Variants in CDH4 observed in about 807,000 individuals in gnomAD.
The protein encoded by CDH4 is cadherin 4, also known as cadherin-4.
CDH4 carries 33 observed loss-of-function variants against 86.0 expected under a neutral mutation model. The observed-to-expected ratio is 0.38, with a 90% confidence interval of 0.29 to 0.51. The LOEUF is 0.51. Ranked by LOEUF, CDH4 falls within the 20% of genes least tolerant of loss-of-function variation. The pLI is 0.86. For synonymous variants in CDH4, 555 were observed against 549.4 expected (o/e 1.01, Z -0.14); for missense variants, 1,114 against 1,307.4 (o/e 0.85, Z 2.28).
At chr20:61,933,659 C>T (rs1355993950) in intron 14 of CDH4, among the ~76,000 whole-genome samples, 1 of 147,630 alleles carries the variant, frequency 6.8e-6, no homozygotes, top group Non-Finnish European at 1.5e-5. Context: ...CTTGCGGAGG[C>T]CCAGCTCCTG....
chr20:61,892,216 C>T (rs4925207), intron 7 of CDH4, among the ~76,000 whole-genome samples: 121,934 of 152,028 alleles, frequency 0.8, 50,660 homozygotes, highest in Non-Finnish European at 0.92. Context: ...TGGTGACTCA[C>T]AGCTGTCCAC....
intron 4 of CDH4, among the ~76,000 whole-genome samples, chr20:61,801,003 G>A (rs970342560): frequency 6.6e-6 from 1 of 152,138 alleles, no homozygotes; most frequent in African/African-American, 2.4e-5. Flanking sequence ...GGGCAGCTAC[G>A]AGGGGCACTG....
intron 2 of CDH4, among the ~76,000 whole-genome samples, chr20:61,677,699 G>A (rs1381530846): frequency 9.9e-5 from 15 of 152,174 alleles, no homozygotes; most frequent in African/African-American, 2.6e-4. Context: ...ACGGACAGAC[G>A]GACGGATGGA....
At chr20:61,529,931 A>G (rs993257385) in intron 2 of CDH4, among the ~76,000 whole-genome samples, 1 of 152,158 alleles carries the variant, frequency 6.6e-6, no homozygotes, top group Non-Finnish European at 1.5e-5. Flanking sequence ...TCTGCCTCGC[A>G]GATTCAAGCT....
intron 2 of CDH4, among the ~76,000 whole-genome samples, chr20:61,636,938 C>T (rs1214822275): frequency 2.0e-5 from 3 of 152,196 alleles, no homozygotes; most frequent in Non-Finnish European, 4.4e-5. Context: ...TGATGGTCCC[C>T]TGCAAAGACT....
chr20:61,484,609 C>T (rs73150249), intron 2 of CDH4, among the ~76,000 whole-genome samples: 14,956 of 152,286 alleles, frequency 0.098, 978 homozygotes, highest in Non-Finnish European at 0.14. Context: ...TCAGGAAGAA[C>T]GTGGACCACG....
intron 2 of CDH4, among the ~76,000 whole-genome samples, chr20:61,270,946 T>A (rs542685837): frequency 6.6e-6 from 1 of 152,184 alleles, no homozygotes; most frequent in Non-Finnish European, 1.5e-5. Flanking sequence ...CTGAGGCACA[T>A]CTTTATTGCG....
intron 2 of CDH4, among the ~76,000 whole-genome samples, chr20:61,354,218 C>T (rs1490000466): frequency 6.6e-6 from 1 of 152,080 alleles, no homozygotes; most frequent in Admixed American, 6.5e-5. Flanking sequence ...CGAGGTCGGG[C>T]CTGGCTGCTC....
rs561280387 is a variant in CDH4, at chr20:61,807,644, G to A, written c.576+34462G>A. Among the ~76,000 whole-genome samples the A allele has an allele frequency of 6.6e-6, 1 of 152,302 alleles. No homozygotes were observed. The highest frequency in any genetic ancestry group is 2.4e-5 in the African/African-American group (1 of 41,556). ...ACAGAGTGGTGGCCAAATAGCATTC[G>A]GGGAGGTAAACAGAAGATTGTGAGA... is the stretch of plus-strand genomic sequence containing the variant. On this transcript the variant is annotated intron_variant, in intron 4 of 15. Transcript: ENST00000614565. This position sits in a 1 kb window ranked among gnomAD's most constrained non-coding sequence, Gnocchi z 4.5.
intron 2 of CDH4, among the ~76,000 whole-genome samples, chr20:61,404,547 T>C (rs2085069314): frequency 6.6e-6 from 1 of 152,050 alleles, no homozygotes; most frequent in South Asian, 2.1e-4. Flanking sequence ...GGAGGCCTGA[T>C]TATTCCCGAC....
In CDH4 at chr20:61,936,762, C is replaced by A. The variant is rs779676023; in HGVS notation, c.2570C>A (p.Pro857His). The A allele has an allele frequency of 6.2e-7, 1 of 1,606,994 alleles. No individual in the cohort carries two copies. Among genetic ancestry groups the A allele is most frequent in the South Asian group, 1.1e-5 (1 of 90,108 alleles). ...NEGLRAADND[P>H]TAPPYDSLLV... Reference sequence around the variant, plus strand: ...GGACTCCGCGCTGCTGACAACGACCCCACGGCACCCCCCTATGACTCCCTG... The same window carrying A: ...GGACTCCGCGCTGCTGACAACGACCACACGGCACCCCCCTATGACTCCCTG... The change falls in exon 16 of 16, where the codon CCC becomes CAC. Residue 857 changes from proline to histidine, a missense_variant. Transcript: ENST00000614565.
At chr20:61,482,389 A>C (rs2085572914) in intron 2 of CDH4, among the ~76,000 whole-genome samples, 1 of 152,216 alleles carries the variant, frequency 6.6e-6, no homozygotes, top group African/African-American at 2.4e-5. Flanking sequence ...GCCAGCAATC[A>C]GAGTGGCTTC....
chr20:61,806,465 G>A (rs984712317), intron 4 of CDH4, among the ~76,000 whole-genome samples: 4 of 152,238 alleles, frequency 2.6e-5, no homozygotes, highest in African/African-American at 7.2e-5. Context: ...AGGGTGAGGA[G>A]GTGCCCTGTT....
intron 2 of CDH4, among the ~76,000 whole-genome samples, chr20:61,670,728 A>G (rs1179999438): frequency 6.6e-6 from 1 of 152,184 alleles, no homozygotes; most frequent in African/African-American, 2.4e-5. Context: ...GGCCATTCTT[A>G]TGGGTGGGGC....
chr20:61,641,249 C>A (rs1407780000), intron 2 of CDH4, among the ~76,000 whole-genome samples: 1 of 152,126 alleles, frequency 6.6e-6, no homozygotes, highest in Admixed American at 6.5e-5. Context: ...CAGCCCTTTC[C>A]CCATTTCATG....
At chr20:61,719,827 G>A (rs2088010893) in intron 2 of CDH4, 1 of 152,240 alleles carries the variant, frequency 6.6e-6, no homozygotes, top group Non-Finnish European at 1.5e-5. Context: ...TGTTTCGCTT[G>A]TAATTGTTTT....
intron 8 of CDH4, among the ~76,000 whole-genome samples, chr20:61,896,493 A>G (rs997618466): frequency 4.6e-5 from 7 of 152,128 alleles, no homozygotes; most frequent in Non-Finnish European, 7.4e-5. Flanking sequence ...AAGCCAGCTC[A>G]GCCCCACTGC....
Position 61,383,844 on chromosome 20 carries a change from TATATATGAA to T in CDH4, c.169+128908_169+128916del, listed in dbSNP as rs1301767860. ...GCGTATATATGAAGATATATATGCG[TATATATGAA>T]GATATATATGCGTATATATGAAGAT... On this transcript the variant is annotated intron_variant, in intron 2 of 15. Transcript: ENST00000614565. Among the ~76,000 whole-genome samples the T allele has an allele frequency of 4.4e-4, 51 of 116,346 alleles. 2 individuals carry two copies. Among genetic ancestry groups the T allele is most frequent in the South Asian group, 1.4e-3 (6 of 4,198 alleles). The allele number at this position is 116,346 out of a possible 152,430, so 76.3% of individuals were successfully genotyped here.
At chr20:61,664,418 A>T (rs2087299224) in intron 2 of CDH4, among the ~76,000 whole-genome samples, 1 of 152,092 alleles carries the variant, frequency 6.6e-6, no homozygotes, top group Admixed American at 6.5e-5. Flanking sequence ...GCATGGGGAG[A>T]GCTGGTCCCC....
Sources: allele counts gnomAD v4.1 joint callset (sites outside exome capture counted in the v4.1 genomes callset), GRCh38; gene constraint gnomAD v4.1.1; non-coding constraint Gnocchi (gnomAD v3.1); transcripts MANE v1.5; gene names NCBI Gene and HGNC (gene_info 2026-07-23, HGNC 2026-07-21).